Variants in GABRB2 observed in about 807,000 individuals in gnomAD.
GABRB2 encodes gamma-aminobutyric acid receptor subunit beta-2.
In GABRB2, 16 loss-of-function variants were observed where a neutral mutation model predicts 54.7. That is an observed-to-expected ratio of 0.29 (90% CI 0.20 to 0.44). The LOEUF is 0.44. Ranked by LOEUF, GABRB2 falls within the 20% of genes least tolerant of loss-of-function variation. The probability of loss-of-function intolerance (pLI) is 1.00; values close to 1 mark genes in which losing one functional copy is unlikely to be tolerated. For missense variants in GABRB2, 355 were observed against 644.0 expected, an observed-to-expected ratio of 0.55 and a Z score of 4.86; for synonymous variants, 244 against 233.8, an observed-to-expected ratio of 1.04 and a Z score of -0.40.
At chr5:161,311,367 T>C (rs1757863656) in intron 9 of GABRB2, among the ~76,000 whole-genome samples, 1 of 151,530 alleles carries the variant, frequency 6.6e-6, no homozygotes, top group Non-Finnish European at 1.5e-5. Context: ...TCACACGCAA[T>C]CTGTGATTCA....
chr5:161,406,086 C>T (rs1404578024), intron 5 of GABRB2, among the ~76,000 whole-genome samples: 1 of 152,036 alleles, frequency 6.6e-6, no homozygotes, highest in Non-Finnish European at 1.5e-5. Flanking sequence ...ATCAAATAGG[C>T]TTTAGATGAC....
At chr5:161,324,641 T>C (rs868413200) in intron 9 of GABRB2, among the ~76,000 whole-genome samples, 1 of 152,060 alleles carries the variant, frequency 6.6e-6, no homozygotes, top group Non-Finnish European at 1.5e-5. Flanking sequence ...CCAGTACCTT[T>C]TGCAATTGTG....
In GABRB2 at chr5:161,365,253, T is replaced by C. The variant is rs76840445; in HGVS notation, c.542-28484A>G. On this transcript the variant is annotated intron_variant, in intron 5 of 9. Transcript: ENST00000393959. The stretch of plus-strand genomic sequence containing the variant: ...AAGGTGTCAATGTCAATAAATGTCT[T>C]TCAAGCATGAGGCCCAGATGAAATG... Among the ~76,000 whole-genome samples the C allele has an allele frequency of 2.2e-3, 337 of 152,286 alleles. 2 individuals carry two copies. The highest frequency in any genetic ancestry group is 7.5e-3 in the African/African-American group (313 of 41,570).
At chr5:161,308,064 T>G (rs1757752313) in intron 9 of GABRB2, among the ~76,000 whole-genome samples, 1 of 151,978 alleles carries the variant, frequency 6.6e-6, no homozygotes, top group African/African-American at 2.4e-5. Flanking sequence ...GGTTTCACCA[T>G]GTTGGCCAGG....
chr5:161,507,394 A>G (rs1359054507), intron 3 of GABRB2, among the ~76,000 whole-genome samples: 3 of 152,130 alleles, frequency 2.0e-5, no homozygotes, highest in Non-Finnish European at 4.4e-5. Flanking sequence ...AGATGTTAAC[A>G]TCAGAGGAAG....
In GABRB2 at chr5:161,513,060, AAAAAAAAC is replaced by A. The variant is rs1465704728; in HGVS notation, c.237+32159_237+32166del. 7.8e-4 allele frequency among the ~76,000 whole-genome samples: 118 copies of A among 151,802 alleles called. 1 individual carries two copies. Among genetic ancestry groups the A allele is most frequent in the Admixed American group, 2.1e-3 (32 of 15,208 alleles). On this transcript the variant is annotated intron_variant, in intron 3 of 9. Coordinates refer to ENST00000393959, the MANE Select transcript of GABRB2 (RefSeq NM_001371727.1). ...TGCAAAGATAAAAAGAAAAAAGAAA[AAAAAAAAC>A]AAAAAAACAAGAGATGCTGGTGGGG...
intron 9 of GABRB2, among the ~76,000 whole-genome samples, chr5:161,319,071 A>G (rs959023476): frequency 2.7e-5 from 4 of 149,740 alleles, no homozygotes; most frequent in African/African-American, 7.3e-5. Flanking sequence ...GAGTAAAATT[A>G]TTTCTTATCC....
chr5:161,352,608 G>A (rs924736518), intron 5 of GABRB2, among the ~76,000 whole-genome samples: 6 of 151,990 alleles, frequency 3.9e-5, no homozygotes, highest in Non-Finnish European at 7.4e-5. Context: ...TTAGATAGGA[G>A]AGATAAATTC....
At chr5:161,363,447 C>T (rs1393932784) in intron 5 of GABRB2, among the ~76,000 whole-genome samples, 2 of 152,188 alleles carry the variant, frequency 1.3e-5, no homozygotes, top group South Asian at 2.1e-4. Context: ...TTGATGGGTG[C>T]AGCAACCCAC....
At chr5:161,465,284 T>C (rs79872328) in intron 3 of GABRB2, among the ~76,000 whole-genome samples, 6,116 of 152,104 alleles carry the variant, frequency 0.04, 159 homozygotes, top group Middle Eastern at 0.082. Flanking sequence ...TGCTACAGAT[T>C]AAGTCTCCTT....
intron 2 of GABRB2, 106 bp from the exon 3 acceptor site, chr5:161,545,400 C>T (rs1760948692): frequency 3.7e-6 from 2 of 540,024 alleles, no homozygotes; most frequent in Admixed American, 9.0e-5. Context: ...TTCTGCACTA[C>T]TCAATCTCAA....
intron 9 of GABRB2, among the ~76,000 whole-genome samples, chr5:161,306,288 G>A (rs2113354543): frequency 6.6e-6 from 1 of 152,310 alleles, no homozygotes; most frequent in South Asian, 2.1e-4. Flanking sequence ...AGGCACTAAT[G>A]TTTGAATCCT....
At chr5:161,435,690 C>T (rs1024780138) in intron 4 of GABRB2, among the ~76,000 whole-genome samples, 14 of 151,968 alleles carry the variant, frequency 9.2e-5, no homozygotes, top group Admixed American at 1.3e-4. Context: ...GCAGAGGGCC[C>T]AATAATGGCA....
At chr5:161,318,750 C>T (rs57107021) in intron 9 of GABRB2, among the ~76,000 whole-genome samples, 1 of 151,750 alleles carries the variant, frequency 6.6e-6, no homozygotes, top group Non-Finnish European at 1.5e-5. Flanking sequence ...GAAATAAAAT[C>T]AAAAATAAAA....
chr5:161,521,655 T>G (rs766792473), intron 3 of GABRB2, among the ~76,000 whole-genome samples: 52 of 151,896 alleles, frequency 3.4e-4, no homozygotes, highest in Non-Finnish European at 6.9e-4. Context: ...GTAAAAATGT[T>G]AGTGTTGGTA....
intron 9 of GABRB2, among the ~76,000 whole-genome samples, chr5:161,309,675 G>T (rs186954393): frequency 0.014 from 2,041 of 150,976 alleles, 24 homozygotes; most frequent in Non-Finnish European, 0.019. Flanking sequence ...CTGTTGCTCA[G>T]GCTGGAGTGC....
intron 5 of GABRB2, among the ~76,000 whole-genome samples, chr5:161,352,471 G>A (rs1754503337): frequency 1.3e-5 from 2 of 152,050 alleles, no homozygotes; most frequent in Middle Eastern, 6.8e-3. Flanking sequence ...GACAAATATT[G>A]CATAATTTCA....
chr5:161,541,987 C>T (rs1760834102), intron 3 of GABRB2, among the ~76,000 whole-genome samples: 1 of 152,186 alleles, frequency 6.6e-6, no homozygotes, highest in Non-Finnish European at 1.5e-5. Flanking sequence ...AGATGTGCAA[C>T]TCTCATTGTA....
intron 3 of GABRB2, among the ~76,000 whole-genome samples, chr5:161,493,692 C>T (rs1315101482): frequency 3.3e-5 from 5 of 151,690 alleles, no homozygotes; most frequent in African/African-American, 1.2e-4. Flanking sequence ...TTTTGCTCTT[C>T]CTTCCACAAA....
Sources: gnomAD v4.1 joint callset for allele counts (sites outside exome capture counted in the v4.1 genomes callset) on GRCh38, gnomAD v4.1.1 for gene constraint, MANE v1.5 for transcripts, NCBI Gene and HGNC (gene_info 2026-07-23, HGNC 2026-07-21) for gene names.